SULF1: variants seen among roughly 807,000 people sequenced by gnomAD.
SULF1 encodes extracellular sulfatase Sulf-1.
SULF1 carries 46 observed loss-of-function variants against 110.5 expected under a neutral mutation model. The observed-to-expected ratio is 0.42, with a 90% CI of 0.33 to 0.53. SULF1 has a LOEUF of 0.53. SULF1 is among the 20% of genes least tolerant of loss of function. The probability of loss-of-function intolerance (pLI) is 0.12; values close to 1 mark genes in which losing one functional copy is unlikely to be tolerated. For missense variants in SULF1, 941 were observed against 1,094.2 expected, an observed-to-expected ratio of 0.86 and a Z score of 1.98; for synonymous variants, 371 against 387.1, an observed-to-expected ratio of 0.96 and a Z score of 0.49.
Position 69,640,830 on chromosome 8 carries a change from T to A in SULF1, c.2574T>A (p.Tyr858Ter). ...LDVGNKDGGS[Y>*]DLHRGQLWDG... ...CAGGAAATAAAGATGGAGGAAGCTA[T>A]GACCTACACAGGTATTCACACTTTT... Residue 858 changes from tyrosine to a stop codon, truncating the protein, a stop_gained, in exon 22 of 23, where the codon TAT becomes TAA. Transcript: ENST00000402687. LOFTEE classifies it high-confidence loss of function. The A allele has an allele frequency of 6.2e-7, 1 of 1,611,250 alleles. No individual in the cohort carries two copies. The highest frequency in any genetic ancestry group is 2.2e-5 in the East Asian group (1 of 44,758).
rs1473830022 is a variant in SULF1 at position 69,651,056 on chromosome 8, CT to C, written c.2586-7434del. 4.5e-3 allele frequency among the ~76,000 whole-genome samples: 618 copies of C among 137,456 alleles called. 2 individuals are homozygous for C. Among genetic ancestry groups the C allele is most frequent in the African/African-American group, 0.014 (502 of 35,704 alleles). The allele number at this position is 137,456 out of a possible 152,430, so 90.2% of individuals were successfully genotyped here. ...CAACATCTATTCTTTTTTTTCTTTT[CT>C]TTTTTTTTTTTTTTGAGACAGAGTT... On this transcript the variant is annotated intron_variant, in intron 22 of 22. Transcript: ENST00000402687.
Position 69,586,514 on chromosome 8 carries a change from T to C in SULF1, c.564+6T>C, listed in dbSNP as rs1806473601. ...ATGGATTTGATTATGCAAAGGTAAT[T>C]TTCAGGCACTTTTACACTGCATCAA... is the stretch of plus-strand genomic sequence containing the variant. On this transcript the variant is annotated splice_donor_region_variant and intron_variant, in intron 7 of 22. Transcript: ENST00000402687. 2 of 1,608,466 alleles carry C rather than the reference T, an allele frequency of 1.2e-6. No individual in the cohort carries two copies. The highest frequency in any genetic ancestry group is 1.3e-5 in the African/African-American group (1 of 74,918).
chr8:69,640,881 C>T, intron 22 of SULF1, 40 bp downstream of exon 22: 2 of 1,589,988 alleles, frequency 1.3e-6, no homozygotes, highest in African/African-American at 1.4e-5. Context: ...GCTTCTTCCC[C>T]AATAATTGCA....
intron 3 of SULF1, among the ~76,000 whole-genome samples, chr8:69,518,291 A>T (rs577963966): frequency 6.6e-6 from 1 of 151,806 alleles, no homozygotes; most frequent in Non-Finnish European, 1.5e-5. Flanking sequence ...CATTATGTTC[A>T]CCTTTTCGTT....
At chr8:69,629,023 A>G (rs4285500) in intron 18 of SULF1, among the ~76,000 whole-genome samples, 108,275 of 152,008 alleles carry the variant, frequency 0.71, 39,541 homozygotes, top group African/African-American at 0.86. Context: ...ATGCATTTGC[A>G]TTCAGTGTTC....
intron 16 of SULF1, 72 bp downstream of exon 16, chr8:69,627,378 G>T: frequency 9.1e-7 from 1 of 1,104,536 alleles, no homozygotes. Context: ...GCTGTGTCTG[G>T]TGGGACATAC....
intron 3 of SULF1, among the ~76,000 whole-genome samples, chr8:69,521,159 A>G (rs1290702895): frequency 1.3e-5 from 2 of 152,206 alleles, no homozygotes; most frequent in Admixed American, 1.3e-4. Context: ...CAGAAAGACC[A>G]GGTTAATTCA....
intron 6 of SULF1, among the ~76,000 whole-genome samples, chr8:69,577,366 A>G (rs1009482283): frequency 2.6e-5 from 4 of 152,200 alleles, no homozygotes; most frequent in African/African-American, 9.6e-5. Context: ...TCTGTTTTAT[A>G]ACTGAGGTGG....
At chr8:69,641,516 G>T (rs1040720167) in intron 22 of SULF1, among the ~76,000 whole-genome samples, 2 of 152,056 alleles carry the variant, frequency 1.3e-5, no homozygotes, top group African/African-American at 4.8e-5. Context: ...GAGCCCAAGC[G>T]GGAGGATTGC....
At chr8:69,552,440 T>G (rs1814789847) in intron 3 of SULF1, among the ~76,000 whole-genome samples, 1 of 152,214 alleles carries the variant, frequency 6.6e-6, no homozygotes, top group African/African-American at 2.4e-5. Context: ...GGCTTTATTC[T>G]CCAATAAAAC....
rs780517668 is a variant in SULF1, at chr8:69,604,776, T to C, written c.1248-27T>C. ...ACCGTAATTCAGATCACTTCTCATG[T>C]ACGAAGCTTTTCCCTTTTTGTCGAA... On this transcript the variant is annotated intron_variant, in intron 12 of 22. Coordinates refer to ENST00000402687, the MANE Select transcript of SULF1 (RefSeq NM_001128205.2). 7 of 1,612,832 alleles carry C rather than the reference T, an allele frequency of 4.3e-6. No homozygotes were observed. The South Asian group carries it at 7.7e-5, about 18-fold the overall frequency.
In SULF1 at chr8:69,660,908, A is replaced by T. The variant is rs1254523922; in HGVS notation, c.*2373A>T. The T allele has an allele frequency of 6.6e-6, 1 of 152,620 alleles. No homozygotes were observed. Among genetic ancestry groups the T allele is most frequent in the Non-Finnish European group, 1.5e-5 (1 of 68,028 alleles). The allele number at this position is 152,620 out of a possible 1,614,324, so 9.5% of individuals were successfully genotyped here. On this transcript the variant is annotated 3_prime_UTR_variant, in exon 23 of 23. Coordinates refer to ENST00000402687, the MANE Select transcript of SULF1 (RefSeq NM_001128205.2). ...ATTTCTTCAAATAAAAGGTGTTTAAACTTTTTTCTGTTTCAGAGAAATGAA... is the reference window on the plus strand; with the variant it reads ...ATTTCTTCAAATAAAAGGTGTTTAATCTTTTTTCTGTTTCAGAGAAATGAA...
At chr8:69,555,381 G>C (rs1815042699) in intron 3 of SULF1, among the ~76,000 whole-genome samples, 1 of 152,180 alleles carries the variant, frequency 6.6e-6, no homozygotes, top group South Asian at 2.1e-4. Flanking sequence ...CAGTGGGCTG[G>C]GCGTGGTGGC....
chr8:69,536,963 A>G (rs1163465284), intron 3 of SULF1, among the ~76,000 whole-genome samples: 1 of 152,178 alleles, frequency 6.6e-6, no homozygotes, highest in African/African-American at 2.4e-5. Context: ...TACTAGTTGT[A>G]ACCTTGGAAA....
chr8:69,513,438 T>C (rs1270917603), intron 3 of SULF1, among the ~76,000 whole-genome samples: 1 of 152,202 alleles, frequency 6.6e-6, no homozygotes, highest in East Asian at 1.9e-4. Context: ...CATGGAATAA[T>C]GAATGAATAA....
intron 5 of SULF1, among the ~76,000 whole-genome samples, chr8:69,571,517 T>C (rs1181391611): frequency 6.6e-6 from 1 of 152,254 alleles, no homozygotes; most frequent in African/African-American, 2.4e-5. Flanking sequence ...CTTGTGAATC[T>C]GATTATGAGT....
chr8:69,636,318 C>CGAGGTCAGGAGATCAA (rs1443048098), intron 19 of SULF1, among the ~76,000 whole-genome samples: 1 of 152,096 alleles, frequency 6.6e-6, no homozygotes, highest in African/African-American at 2.4e-5. Context: ...GGGCAGATCA[C>CGAGGTCAGGAGATCAA]GAGGTCAGGA....
chr8:69,476,939 T>A (rs1809323696), intron 1 of SULF1, among the ~76,000 whole-genome samples: 1 of 152,186 alleles, frequency 6.6e-6, no homozygotes, highest in South Asian at 2.1e-4. Context: ...AACTTAAAAC[T>A]AGGTCTCTTC....
At chr8:69,612,606 G>A (rs186243988) in intron 13 of SULF1, among the ~76,000 whole-genome samples, 1 of 152,248 alleles carries the variant, frequency 6.6e-6, no homozygotes, top group African/African-American at 2.4e-5. Context: ...GATGAGTAGT[G>A]ATGTTGAGTA....
Sources: allele counts gnomAD v4.1 joint callset (sites outside exome capture counted in the v4.1 genomes callset), GRCh38; gene constraint gnomAD v4.1.1; transcripts MANE v1.5; gene names NCBI Gene and HGNC (gene_info 2026-07-23, HGNC 2026-07-21).